HYDIN: variants seen among roughly 807,000 people sequenced by gnomAD.
HYDIN encodes the protein axonemal central pair apparatus protein HYDIN.
Under a neutral mutation model 403.9 loss-of-function variants are expected in HYDIN, and 132 were observed. That is an observed-to-expected ratio of 0.33 (90% CI 0.28 to 0.38). HYDIN has a LOEUF of 0.38. Ranked by LOEUF, HYDIN falls within the 10% of genes least tolerant of loss-of-function variation. HYDIN has a pLI of 1.00. For missense variants in HYDIN, 2,827 were observed against 5,009.5 expected, an observed-to-expected ratio of 0.56 and a Z score of 13.15; for synonymous variants, 1,202 against 1,891.7, an observed-to-expected ratio of 0.64 and a Z score of 9.46.
intron 1 of HYDIN, among the ~76,000 whole-genome samples, chr16:71,210,626 C>A (rs1442091291): frequency 6.6e-6 from 1 of 151,912 alleles, no homozygotes; most frequent in Non-Finnish European, 1.5e-5. Context: ...TCTTATATAA[C>A]AAGCCACACA....
intron 23 of HYDIN, among the ~76,000 whole-genome samples, chr16:71,011,317 T>A (rs964059945): frequency 1.3e-5 from 2 of 152,200 alleles, no homozygotes; most frequent in African/African-American, 2.4e-5. Flanking sequence ...CAAGGTCACA[T>A]GGCTAGGAGG....
rs1207074697 is a variant in HYDIN at position 70,887,677 on chromosome 16, ATTCTT to A, written c.9774+1905_9774+1909del. Among the ~76,000 whole-genome samples the A allele has an allele frequency of 6.7e-5, 10 of 149,818 alleles. No homozygotes were observed. In the East Asian group the frequency reaches 7.8e-4, roughly 12 times the overall value. On this transcript the variant is annotated intron_variant, in intron 58 of 85. Coordinates refer to ENST00000393567, the MANE Select transcript of HYDIN (RefSeq NM_001270974.2). ...CTATTGTCTGTCTTCAAGTTCACTGATTCTTTTCTTTTCTTTTTTTTTTTGAGGTG... is the reference window on the plus strand; with the variant it reads ...CTATTGTCTGTCTTCAAGTTCACTGATTCTTTTCTTTTTTTTTTTGAGGTG...
chr16:71,209,202 T>C (rs1201430816), intron 1 of HYDIN, among the ~76,000 whole-genome samples: 12 of 149,926 alleles, frequency 8.0e-5, no homozygotes, highest in Admixed American at 6.7e-4. Flanking sequence ...CACCACCATC[T>C]AGTAGGCTTT....
chr16:71,187,025 A>T (rs1004563146), intron 1 of HYDIN, 107 bp from the exon 2 acceptor site: 1 of 638,848 alleles, frequency 1.6e-6, no homozygotes, highest in Non-Finnish European at 2.7e-6. Flanking sequence ...GAAAATACTG[A>T]TCTTCCGAAA....
chr16:71,217,521 G>A (rs1433727623), intron 1 of HYDIN, among the ~76,000 whole-genome samples: 1 of 152,122 alleles, frequency 6.6e-6, no homozygotes, highest in Non-Finnish European at 1.5e-5. Flanking sequence ...ACCTCAAAAT[G>A]AACTGGTTAA....
Position 70,956,501 on chromosome 16 carries a change from C to T in HYDIN, c.6143-953G>A, listed in dbSNP as rs547047702. Among the ~76,000 whole-genome samples, 47 of 152,240 alleles carry T rather than the reference C, an allele frequency of 3.1e-4. No homozygotes were observed. In the Middle Eastern group the frequency reaches 0.01, roughly 33 times the overall value. On this transcript the variant is annotated intron_variant, in intron 39 of 85. Coordinates refer to ENST00000393567, the MANE Select transcript of HYDIN (RefSeq NM_001270974.2). ...AGACTTTGCAGATGTGATTAATTTA[C>T]AGATCTTGATATGGGGGGTTAGCCT...
rs539244240 is a variant in HYDIN at position 71,206,596 on chromosome 16, T to A, written c.-23-19678A>T. 2.0e-5 allele frequency among the ~76,000 whole-genome samples: 3 copies of A among 152,110 alleles called. No individual in the cohort carries two copies. The East Asian group carries it at 5.8e-4, about 30-fold the overall frequency. ...ACTGAGATGGCTGAAATGACAGAAA[T>A]AGAATTCAGAATATGGATAGAAACT... On this transcript the variant is annotated intron_variant, in intron 1 of 85. Coordinates refer to ENST00000393567, the MANE Select transcript of HYDIN (RefSeq NM_001270974.2).
intron 13 of HYDIN, among the ~76,000 whole-genome samples, chr16:71,075,778 C>G (rs1226352946): frequency 6.9e-6 from 1 of 144,760 alleles, no homozygotes; most frequent in African/African-American, 2.6e-5. Flanking sequence ...ATCTGCCTTA[C>G]AGGCCAGAAT....
At chr16:71,230,463 G>C (rs924405067) in intron 1 of HYDIN, 99 bp downstream of exon 1, 3 of 1,374,818 alleles carry the variant, frequency 2.2e-6, no homozygotes, top group Non-Finnish European at 2.9e-6. Flanking sequence ...GAGAACGCCT[G>C]GGACGCAGGG....
chr16:70,997,026 C>T (rs564265656), intron 23 of HYDIN, among the ~76,000 whole-genome samples: 12 of 151,130 alleles, frequency 7.9e-5, no homozygotes, highest in Non-Finnish European at 1.2e-4. Flanking sequence ...ATGGTCCCAT[C>T]AGGGGGTGAT....
chr16:71,088,593 C>T, intron 11 of HYDIN, 69 bp from the exon 12 acceptor site: 2 of 621,816 alleles, frequency 3.2e-6, no homozygotes, highest in Non-Finnish European at 5.8e-6. Flanking sequence ...AAGCATGTGT[C>T]TGTACTGTTT....
intron 83 of HYDIN, among the ~76,000 whole-genome samples, chr16:70,821,726 T>G (rs1353537830): frequency 6.6e-6 from 1 of 151,150 alleles, no homozygotes; most frequent in Non-Finnish European, 1.5e-5. Flanking sequence ...GTTTCTTGGA[T>G]CTATAGTTTT....
At chr16:71,117,459 C>A (rs1306882572) in intron 9 of HYDIN, among the ~76,000 whole-genome samples, 1 of 151,970 alleles carries the variant, frequency 6.6e-6, no homozygotes, top group East Asian at 1.9e-4. Flanking sequence ...CATGCTCAGT[C>A]AGAACTCAGT....
chr16:70,952,603 C>G lies in HYDIN; in HGVS notation c.6349G>C (p.Gly2117Arg). ...GTGTCAGTGCTCAGTCGTCCTTGCC[C>G]TATGACGTTTTGACCCACAGCTGCC... ...QEAAVGQNVI[G>R]QGRLSTDTLG... Residue 2117 changes from glycine to arginine, a missense_variant, in exon 41 of 86, where the codon GGG (glycine) becomes CGG (arginine). Physicochemically the swap from Gly to Arg is moderately radical, Grantham distance 125. Transcript: ENST00000393567. 1 of 1,613,692 alleles carries G rather than the reference C, an allele frequency of 6.2e-7. No homozygotes were observed. Among genetic ancestry groups the G allele is most frequent in the Non-Finnish European group, 8.5e-7 (1 of 1,179,936 alleles).
Position 70,818,465 on chromosome 16 carries a change from C to A in HYDIN, c.14535G>T (p.Arg4845=). Residue 4845 remains arginine, a synonymous_variant, in exon 84 of 86, where the codon CGG becomes CGT. Transcript: ENST00000393567. The part of the protein sequence containing the change: ...IKTIEMVTPV[R]QVASASIKLE... ...ACTTGATGGAGGCTGACGCAACTTG[C>A]CGGACTGGGGTCACCATCTCGATGG... 6.4e-7 allele frequency: 1 copy of A among 1,554,284 alleles called. No individual in the cohort carries two copies. The highest frequency in any genetic ancestry group is 8.8e-7 in the Non-Finnish European group (1 of 1,136,140).
chr16:71,230,674 C>A lies in HYDIN; in HGVS notation c.-136G>T. ...GGGCTCCATACCCAGCTTGAAGCCG[C>A]CCGCACTCTCCATGCGCCGCCCGAG... On this transcript the variant is annotated 5_prime_UTR_variant, in exon 1 of 86. Transcript: ENST00000393567. The A allele has an allele frequency of 6.5e-7, 1 of 1,536,068 alleles. No individual in the cohort carries two copies.
At chr16:71,226,557 G>GA (rs1456208885) in intron 1 of HYDIN, among the ~76,000 whole-genome samples, 1 of 152,096 alleles carries the variant, frequency 6.6e-6, no homozygotes, top group Non-Finnish European at 1.5e-5. Context: ...AAACATAAAA[G>GA]AAAAAATTAG....
At chr16:71,202,331 C>T (rs2144709136) in intron 1 of HYDIN, among the ~76,000 whole-genome samples, 1 of 152,288 alleles carries the variant, frequency 6.6e-6, no homozygotes, top group South Asian at 2.1e-4. Context: ...AACAAATACA[C>T]ATTTGTTTAC....
At chr16:70,902,819 A>ATTTTTTTTTTTTTTTTTTTTT in intron 52 of HYDIN, among the ~76,000 whole-genome samples, 1 of 17,198 alleles carries the variant, frequency 5.8e-5, no homozygotes, top group East Asian at 1.4e-3. Flanking sequence ...ATATATATAT[A>ATTTTTTTTTTTTTTTTTTTTT]TATTTTTTTT....
Sources: allele counts gnomAD v4.1 joint callset (sites outside exome capture counted in the v4.1 genomes callset), GRCh38; gene constraint gnomAD v4.1.1; transcripts MANE v1.5; gene names NCBI Gene and HGNC (gene_info 2026-07-23, HGNC 2026-07-21).